The following MAP7D2 variants were observed in gnomAD, a reference collection of about 807,000 sequenced individuals.
MAP7D2 encodes the protein MAP7 domain containing 2, also known as MAP7 domain-containing protein 2.
A neutral mutation model predicts 63.5 loss-of-function variants in MAP7D2; 33 were observed. That is an observed-to-expected ratio of 0.52 (90% CI 0.39 to 0.70). The LOEUF (loss-of-function observed/expected upper bound fraction) is 0.70, where lower values mean the gene tolerates loss of function less well. Ranked by LOEUF, MAP7D2 falls within the 30% of genes least tolerant of loss-of-function variation. MAP7D2 has a pLI of 0.00. For synonymous variants in MAP7D2, 224 were observed against 223.7 expected (o/e 1.00, Z -0.01); for missense variants, 626 against 604.0 (o/e 1.04, Z -0.38).
chrX:20,112,248 C>T (rs1221975829), intron 1 of MAP7D2, among the ~76,000 whole-genome samples: 1 of 111,857 alleles, frequency 8.9e-6, no homozygotes, highest in Non-Finnish European at 1.9e-5. Context: ...TGGTCAGAAG[C>T]TAGGAGCCCT....
chrX:20,025,582 A>G, intron 9 of MAP7D2, 99 bp downstream of exon 9: 2 of 1,058,067 alleles, frequency 1.9e-6, no homozygotes, highest in Non-Finnish European at 1.3e-6. Context: ...GTCCCCAGAG[A>G]AAAATCCCTT....
intron 1 of MAP7D2, among the ~76,000 whole-genome samples, chrX:20,107,128 C>G (rs750592457): frequency 4.4e-4 from 49 of 111,429 alleles, no homozygotes; most frequent in African/African-American, 1.5e-3. Context: ...CTGGTTCTTT[C>G]AGCAGAGACA....
intron 1 of MAP7D2, among the ~76,000 whole-genome samples, chrX:20,098,949 T>A: frequency 8.9e-6 from 1 of 112,616 alleles, no homozygotes; most frequent in African/African-American, 3.2e-5. Context: ...GTGTGTGCCA[T>A]CCACACTACT....
intron 4 of MAP7D2, chrX:20,055,930 T>A: frequency 2.8e-6 from 1 of 363,452 alleles, no homozygotes; most frequent in Non-Finnish European, 4.4e-6. Context: ...AAAAAGTAAC[T>A]GAAATGGGTT....
intron 10 of MAP7D2, among the ~76,000 whole-genome samples, chrX:20,022,980 G>A (rs965903474): frequency 9.0e-6 from 1 of 111,472 alleles, no homozygotes; most frequent in East Asian, 2.8e-4. Flanking sequence ...GAATTTTACT[G>A]AATGTATATT....
At chrX:20,032,289 G>A (rs2074072862) in intron 8 of MAP7D2, among the ~76,000 whole-genome samples, 1 of 112,069 alleles carries the variant, frequency 8.9e-6, no homozygotes, top group South Asian at 3.7e-4. Flanking sequence ...AGGTAAGAAT[G>A]TAAAAGCCTA....
chrX:20,088,936 C>A (rs964893165), intron 1 of MAP7D2, among the ~76,000 whole-genome samples: 1 of 110,036 alleles, frequency 9.1e-6, no homozygotes, highest in East Asian at 2.9e-4. Context: ...CGGGTTCAAG[C>A]AATTTCTGGC....
At chrX:20,051,162 C>G (rs1449088288) in intron 5 of MAP7D2, among the ~76,000 whole-genome samples, 1 of 111,602 alleles carries the variant, frequency 9.0e-6, no homozygotes, top group Non-Finnish European at 1.9e-5. Flanking sequence ...TTAATTGTCA[C>G]TAGGTACCAA....
Position 20,050,877 on chromosome X carries a change from G to A in MAP7D2, c.665C>T (p.Ser222Phe), listed in dbSNP as rs754287008. Residue 222 changes from serine to phenylalanine, a missense_variant, in exon 6 of 17, where the codon TCT becomes TTT. Coordinates refer to ENST00000379643, the MANE Select transcript of MAP7D2 (RefSeq NM_001168465.2). ...GACTGAAGCTCTGCTTCTGGCTAAA[G>A]AAGACTGTGTGGGTGTCAACAGTCG... is the stretch of plus-strand genomic sequence containing the variant. ...VSRLLTPTQSSLARSRASVML... is the reference protein window; with the variant it reads ...VSRLLTPTQSFLARSRASVML... 5.9e-6 allele frequency: 7 copies of A among 1,185,907 alleles called. No homozygotes were observed. In the Admixed American group the frequency reaches 9.5e-5, roughly 16 times the overall value.
intron 4 of MAP7D2, among the ~76,000 whole-genome samples, chrX:20,053,347 T>C (rs946158600): frequency 1.8e-5 from 2 of 111,877 alleles, no homozygotes; most frequent in African/African-American, 6.5e-5. Flanking sequence ...CAAAACCAAC[T>C]TGGACCCAGA....
chrX:20,067,662 C>G lies in MAP7D2; in HGVS notation c.131-2857G>C, dbSNP rs180985665. 3.6e-5 allele frequency among the ~76,000 whole-genome samples: 4 copies of G among 111,639 alleles called. No homozygotes were observed. The Admixed American group carries it at 3.8e-4, about 11-fold the overall frequency. Reference sequence around the variant, plus strand: ...AACCATTAAATTTTTTTTTCCTAATCTCTCACATCTGGCGGAAAGGACCCA... The same window carrying G: ...AACCATTAAATTTTTTTTTCCTAATGTCTCACATCTGGCGGAAAGGACCCA... On this transcript the variant is annotated intron_variant, in intron 1 of 16. Coordinates refer to ENST00000379643, the MANE Select transcript of MAP7D2 (RefSeq NM_001168465.2).
intron 8 of MAP7D2, among the ~76,000 whole-genome samples, chrX:20,029,335 C>T (rs992103303): frequency 8.9e-6 from 1 of 112,341 alleles, no homozygotes; most frequent in Non-Finnish European, 1.9e-5. Context: ...TCTGTGTCTG[C>T]TTAAATGGCT....
Position 20,025,371 on chromosome X carries a change from T to C in MAP7D2, c.1280-288A>G, listed in dbSNP as rs1224903354. Among the ~76,000 whole-genome samples the C allele has an allele frequency of 3.6e-5, 4 of 112,072 alleles. No homozygotes were observed. In the South Asian group the frequency reaches 1.1e-3, roughly 31 times the overall value. On this transcript the variant is annotated intron_variant, in intron 9 of 16. Transcript: ENST00000379643. The stretch of plus-strand genomic sequence containing the variant: ...CCATCTGGGTGAACTCACTGCATCA[T>C]AGAAGCCTGAAAGTCTAAAGGAAGA...
intron 3 of MAP7D2, among the ~76,000 whole-genome samples, chrX:20,058,826 C>A (rs1240140130): frequency 8.9e-6 from 1 of 112,348 alleles, no homozygotes; most frequent in Non-Finnish European, 1.9e-5. Context: ...GTGATTCATA[C>A]ATATAGAAAA....
rs190472434 is a variant in MAP7D2, at chrX:20,044,413, C to T, written c.830G>A (p.Gly277Asp). The T allele has an allele frequency of 3.3e-5, 40 of 1,209,263 alleles. No homozygotes were observed. The African/African-American group carries it at 6.8e-4, about 21-fold the overall frequency. Residue 277 changes from glycine to aspartate, a missense_variant, in exon 7 of 17, where the codon GGT (glycine) becomes GAT (aspartate). Coordinates refer to ENST00000379643, the MANE Select transcript of MAP7D2 (RefSeq NM_001168465.2). Reference protein sequence around the residue: ...KKKATSTSTSGAGDVGKEALS... With the variant: ...KKKATSTSTSDAGDVGKEALS... Reference sequence around the variant, plus strand: ...GGCTTCTTTCCCAACATCTCCTGCACCAGATGTAGACGTAGATGTAGCTTT... The same window carrying T: ...GGCTTCTTTCCCAACATCTCCTGCATCAGATGTAGACGTAGATGTAGCTTT...
chrX:20,044,045 T>C (rs958647267), intron 7 of MAP7D2, among the ~76,000 whole-genome samples: 1 of 112,097 alleles, frequency 8.9e-6, no homozygotes, highest in Non-Finnish European at 1.9e-5. Flanking sequence ...CGGGCAAGAC[T>C]GACCCAGAAT....
intron 8 of MAP7D2, among the ~76,000 whole-genome samples, chrX:20,037,724 A>C (rs1443978818): frequency 2.7e-5 from 3 of 112,031 alleles, no homozygotes; most frequent in Non-Finnish European, 3.8e-5. Flanking sequence ...GACTTGGAAG[A>C]AGCATGATTG....
At chrX:20,074,148 A>G (rs1434912667) in intron 1 of MAP7D2, among the ~76,000 whole-genome samples, 1 of 108,482 alleles carries the variant, frequency 9.2e-6, no homozygotes, top group East Asian at 2.9e-4. Flanking sequence ...AAAAAAAAAA[A>G]AAAGAAAGAA....
intron 4 of MAP7D2, among the ~76,000 whole-genome samples, chrX:20,053,624 T>C (rs1375676453): frequency 8.1e-5 from 9 of 111,586 alleles, no homozygotes; most frequent in African/African-American, 2.9e-4. Context: ...GTTCTTACGT[T>C]CCAGTCATTA....
Sources: gnomAD v4.1 joint callset for allele counts (sites outside exome capture counted in the v4.1 genomes callset) on GRCh38, gnomAD v4.1.1 for gene constraint, MANE v1.5 for transcripts, NCBI Gene and HGNC (gene_info 2026-07-23, HGNC 2026-07-21) for gene names.